Variants in SCAPER observed in about 807,000 individuals in gnomAD.
SCAPER encodes S phase cyclin A-associated protein in the endoplasmic reticulum.
Under a neutral mutation model 182.2 loss-of-function variants are expected in SCAPER, and 98 were observed. That is an observed-to-expected ratio of 0.54 (90% confidence interval 0.46 to 0.64). SCAPER has a LOEUF of 0.64. Among genes scored for constraint, SCAPER ranks in the 30% least tolerant of loss-of-function variants. The pLI is 0.00. For synonymous variants in SCAPER, 605 were observed against 564.6 expected, an observed-to-expected ratio of 1.07 and a Z score of -1.01; for missense variants, 1,432 against 1,690.0, an observed-to-expected ratio of 0.85 and a Z score of 2.68.
intron 23 of SCAPER, among the ~76,000 whole-genome samples, chr15:76,520,945 G>T (rs1264481791): frequency 6.6e-6 from 1 of 152,142 alleles, no homozygotes; most frequent in Non-Finnish European, 1.5e-5. Flanking sequence ...TCAGTGGCGG[G>T]AAGTTTTCCT....
At chr15:76,475,797 T>C (rs1243194007) in intron 24 of SCAPER, among the ~76,000 whole-genome samples, 1 of 152,204 alleles carries the variant, frequency 6.6e-6, no homozygotes, top group African/African-American at 2.4e-5. Flanking sequence ...CCTGGGGGTG[T>C]GTTCCTTTGT....
At chr15:76,474,846 A>T (rs1430433074) in intron 24 of SCAPER, among the ~76,000 whole-genome samples, 2 of 152,194 alleles carry the variant, frequency 1.3e-5, no homozygotes, top group African/African-American at 4.8e-5. Context: ...TTTTCATGGT[A>T]TGCTGACATA....
At chr15:76,747,029 A>T (rs1310351427) in intron 15 of SCAPER, among the ~76,000 whole-genome samples, 1 of 152,236 alleles carries the variant, frequency 6.6e-6, no homozygotes, top group Non-Finnish European at 1.5e-5. Flanking sequence ...ATGGAATGGC[A>T]AGGTACACTA....
intron 26 of SCAPER, among the ~76,000 whole-genome samples, chr15:76,413,915 T>C (rs2142248414): frequency 6.6e-6 from 1 of 152,282 alleles, no homozygotes; most frequent in East Asian, 1.9e-4. Flanking sequence ...CCAGCATCCA[T>C]GAAACTGTGG....
intron 27 of SCAPER, among the ~76,000 whole-genome samples, chr15:76,393,822 T>G (rs548043025): frequency 1.3e-5 from 2 of 152,330 alleles, no homozygotes; most frequent in African/African-American, 4.8e-5. Flanking sequence ...GCCACCATGC[T>G]GTGAGGAAGC....
At chr15:76,885,245 C>T (rs984581656) in intron 1 of SCAPER, among the ~76,000 whole-genome samples, 2 of 152,176 alleles carry the variant, frequency 1.3e-5, no homozygotes, top group South Asian at 2.1e-4. Flanking sequence ...CCATCTCACT[C>T]GGAGGAAAAG....
chr15:76,545,243 G>A (rs1597315946), intron 23 of SCAPER, among the ~76,000 whole-genome samples: 2 of 152,182 alleles, frequency 1.3e-5, no homozygotes, highest in East Asian at 1.9e-4. Context: ...CCTCTTTAGG[G>A]TAGTTCTTGT....
chr15:76,720,739 GT>G (rs768027266), intron 17 of SCAPER, among the ~76,000 whole-genome samples: 3 of 152,212 alleles, frequency 2.0e-5, no homozygotes, highest in Non-Finnish European at 4.4e-5. Flanking sequence ...TTTGAGAAGT[GT>G]CTGTTCATAT....
intron 25 of SCAPER, among the ~76,000 whole-genome samples, chr15:76,450,552 T>C (rs1236240432): frequency 2.0e-5 from 3 of 152,178 alleles, no homozygotes; most frequent in Non-Finnish European, 4.4e-5. Flanking sequence ...TAAAAGCATA[T>C]ATATACACAT....
At chr15:76,502,751 G>T (rs1310925050) in intron 24 of SCAPER, among the ~76,000 whole-genome samples, 1 of 152,084 alleles carries the variant, frequency 6.6e-6, no homozygotes, top group Non-Finnish European at 1.5e-5. Context: ...AAATCTATTG[G>T]CTTAAAGTGA....
chr15:76,693,884 TAA>T (rs144104414), intron 20 of SCAPER, among the ~76,000 whole-genome samples: 23,791 of 152,028 alleles, frequency 0.16, 2,282 homozygotes, highest in Middle Eastern at 0.23. Context: ...ATGTTCAAGA[TAA>T]AAAGAGTTCT....
At chr15:76,609,214 C>G (rs773987183) in intron 22 of SCAPER, among the ~76,000 whole-genome samples, 1 of 151,944 alleles carries the variant, frequency 6.6e-6, no homozygotes. Context: ...GGGCTGGGCA[C>G]AATGGCTCTC....
chr15:76,682,571 C>T (rs1451325124), intron 20 of SCAPER, among the ~76,000 whole-genome samples: 1 of 152,192 alleles, frequency 6.6e-6, no homozygotes, highest in Non-Finnish European at 1.5e-5. Context: ...TACCCCAAAA[C>T]AGTGCGGCAT....
At position 76,471,294 on chromosome 15, in the gene SCAPER, T is replaced by C. The variant is rs769465103; in HGVS notation, c.2996A>G (p.Asn999Ser). The stretch of plus-strand genomic sequence containing the variant: ...ATCACTGCAGTTTTCTGAACAGTTA[T>C]TGCAGGTGAGGTTGTAAACATTGAT... Reference protein sequence around the residue: ...NAINVYNLTCNNCSENCSDVL... With the variant: ...NAINVYNLTCSNCSENCSDVL... Residue 999 changes from asparagine (N) to serine (S), a missense_variant, in exon 25 of 32, where the codon AAT becomes AGT. Physicochemically the swap from Asn to Ser is conservative, Grantham distance 46. Coordinates refer to ENST00000563290, the MANE Select transcript of SCAPER (RefSeq NM_020843.4). 28 of 1,612,046 alleles carry C rather than the reference T, an allele frequency of 1.7e-5. No individual in the cohort carries two copies. The highest frequency in any genetic ancestry group is 5.3e-5 in the African/African-American group (4 of 74,836).
chr15:76,798,246 G>C (rs1354669694), intron 7 of SCAPER, among the ~76,000 whole-genome samples: 1 of 151,806 alleles, frequency 6.6e-6, no homozygotes, highest in Non-Finnish European at 1.5e-5. Flanking sequence ...TATAATTCCA[G>C]CTACTCAGGA....
chr15:76,590,969 G>C (rs2049058186), intron 22 of SCAPER, among the ~76,000 whole-genome samples: 1 of 152,142 alleles, frequency 6.6e-6, no homozygotes, highest in Non-Finnish European at 1.5e-5. Context: ...TCTTCTAAGT[G>C]GGAGCTAAAT....
intron 8 of SCAPER, among the ~76,000 whole-genome samples, chr15:76,793,982 G>A (rs2065162002): frequency 6.6e-6 from 1 of 152,180 alleles, no homozygotes; most frequent in Non-Finnish European, 1.5e-5. Flanking sequence ...TTGGTTGTTG[G>A]TGGGGAGAAA....
intron 17 of SCAPER, among the ~76,000 whole-genome samples, chr15:76,726,422 G>C (rs1200929079): frequency 1.3e-5 from 2 of 151,268 alleles, no homozygotes; most frequent in African/African-American, 2.4e-5. Flanking sequence ...ACATAAAAAT[G>C]GTACAGCTGC....
intron 18 of SCAPER, among the ~76,000 whole-genome samples, 185 bp from the exon 19 acceptor site, chr15:76,703,187 T>C (rs544397702): frequency 1.3e-5 from 2 of 152,348 alleles, no homozygotes; most frequent in South Asian, 4.1e-4. Flanking sequence ...GTAATGTTTA[T>C]TAAAGTGTGC....
Sources: allele counts gnomAD v4.1 joint callset (sites outside exome capture counted in the v4.1 genomes callset), GRCh38; gene constraint gnomAD v4.1.1; transcripts MANE v1.5; gene names NCBI Gene and HGNC (gene_info 2026-07-23, HGNC 2026-07-21).